ZAR1: variants seen among roughly 807,000 people sequenced by gnomAD.
The protein encoded by ZAR1 is zygote arrest 1.
Under a neutral mutation model 38.3 loss-of-function variants are expected in ZAR1, and 37 were observed. The ratio of observed to expected loss-of-function variants is 0.97; its 90% CI spans 0.74 to 1.27. ZAR1 has a LOEUF of 1.27. Among genes scored for constraint, ZAR1 ranks in the 50% most tolerant of loss-of-function variants. ZAR1 has a pLI of 0.00. For missense variants in ZAR1, 651 were observed against 632.4 expected (o/e 1.03, Z -0.32); for synonymous variants, 336 against 292.0 (o/e 1.15, Z -1.53).
At chr4:48,493,979 A>C in intron 3 of ZAR1, 122 bp from the exon 4 acceptor site, 1 of 1,213,130 alleles carries the variant, frequency 8.2e-7, no homozygotes, top group Non-Finnish European at 1.1e-6. Flanking sequence ...AAACAAGATT[A>C]CTATGGGACC....
At position 48,491,197 on chromosome 4, in the gene ZAR1, G is replaced by A. The variant is rs1398386753; in HGVS notation, c.906G>A (p.Ala302=). 7 of 1,234,962 alleles carry A rather than the reference G, an allele frequency of 5.7e-6. No individual in the cohort carries two copies. In the African/African-American group the frequency reaches 9.3e-5, roughly 16 times the overall value. 76.5% of individuals were successfully genotyped at this position (1,234,962 alleles called of 1,614,324 possible). ...DGGDGREAAV[A]GEGPSPRSPE... ...GCGACGGACGGGAGGCGGCCGTCGC[G>A]GGAGAGGGGCCGTCGCCACGGAGCC... The change falls in exon 1 of 4, where the codon GCG becomes GCA. Residue 302 remains alanine, a synonymous_variant. Coordinates refer to ENST00000327939, the MANE Select transcript of ZAR1 (RefSeq NM_175619.3).
At chr4:48,495,149 T>C (rs1676511459), downstream of ZAR1, among the ~76,000 whole-genome samples, 1 of 152,182 alleles carries the variant, frequency 6.6e-6, no homozygotes, top group Admixed American at 6.5e-5. Flanking sequence ...TAACTGCGTC[T>C]AGTAGCTTCT....
downstream of ZAR1, among the ~76,000 whole-genome samples, chr4:48,496,660 CTA>C (rs1002452427): frequency 2.0e-5 from 3 of 152,148 alleles, no homozygotes; most frequent in East Asian, 3.8e-4. Context: ...CTGCCAAACT[CTA>C]TGTGTACAAT....
chr4:48,497,406 CATATAA>C (rs1718686174), downstream of ZAR1: 1 of 152,410 alleles, frequency 6.6e-6, no homozygotes, highest in Admixed American at 6.6e-5. Context: ...GACTTAGTTA[CATATAA>C]ATAAACACAA....
chr4:48,490,911 G>C lies in ZAR1; in HGVS notation c.620G>C (p.Gly207Ala). The C allele has an allele frequency of 7.3e-7, 1 of 1,365,404 alleles. No individual in the cohort carries two copies. Among genetic ancestry groups the C allele is most frequent in the Non-Finnish European group, 9.4e-7 (1 of 1,063,990 alleles). The allele number at this position is 1,365,404 out of a possible 1,614,324, so 84.6% of individuals were successfully genotyped here. A position where few individuals can be genotyped will look rare whatever the true frequency, so the allele number is the denominator to read the frequency against. ...PGPAAGEQRS[G>A]ASDGERGPPP... ...CCCGCGGCGGGCGAGCAGAGGTCCG[G>C]GGCGTCGGACGGAGAGAGGGGGCCG... Residue 207 changes from glycine (G) to alanine (A), a missense_variant, in exon 1 of 4, where the codon GGG becomes GCG. Around this residue, in one of 2 missense-constraint regions of ZAR1, gnomAD observed 522 missense variants for 459.9 expected, o/e 1.14. Coordinates refer to ENST00000327939, the MANE Select transcript of ZAR1 (RefSeq NM_175619.3).
At chr4:48,497,575 C>G (rs949648861), downstream of ZAR1, 3 of 152,520 alleles carry the variant, frequency 2.0e-5, no homozygotes, top group Non-Finnish European at 4.4e-5. Flanking sequence ...CCAACAGCTA[C>G]AATGCTTTTT....
At chr4:48,496,546 G>A (rs1435153447), downstream of ZAR1, among the ~76,000 whole-genome samples, 1 of 152,088 alleles carries the variant, frequency 6.6e-6, no homozygotes, top group Non-Finnish European at 1.5e-5. Flanking sequence ...GGAAAGTGAG[G>A]ATCAGACTGT....
chr4:48,495,249 G>A (rs1420276995), downstream of ZAR1, among the ~76,000 whole-genome samples: 2 of 151,920 alleles, frequency 1.3e-5, no homozygotes, highest in African/African-American at 4.8e-5. Flanking sequence ...TGAAATTAAA[G>A]TTGTAGTATT....
chr4:48,493,143 T>C, intron 3 of ZAR1, 131 bp downstream of exon 3: 1 of 746,492 alleles, frequency 1.3e-6, no homozygotes. Context: ...TTAGGAGTGG[T>C]AGAAACAATA....
chr4:48,495,133 A>C (rs1311871038), downstream of ZAR1, among the ~76,000 whole-genome samples: 1 of 152,156 alleles, frequency 6.6e-6, no homozygotes, highest in Non-Finnish European at 1.5e-5. Flanking sequence ...TCGGGATGCC[A>C]GACTCTAACT....
intron 3 of ZAR1, 31 bp downstream of exon 3, chr4:48,493,043 C>T (rs773728377): frequency 3.1e-6 from 5 of 1,606,498 alleles, no homozygotes; most frequent in Admixed American, 3.3e-5. Flanking sequence ...TTTGTCTGAC[C>T]TGGGCAGTCG....
intron 3 of ZAR1, 45 bp downstream of exon 3, chr4:48,493,057 A>G: frequency 6.3e-7 from 1 of 1,582,438 alleles, no homozygotes; most frequent in South Asian, 1.1e-5. Context: ...GCAGTCGTCG[A>G]GGGTTTTTAG....
downstream of ZAR1, among the ~76,000 whole-genome samples, chr4:48,496,651 T>C (rs1383973777): frequency 6.6e-6 from 1 of 152,200 alleles, no homozygotes; most frequent in Non-Finnish European, 1.5e-5. Flanking sequence ...GAAAAGGCAC[T>C]GCCAAACTCT....
At chr4:48,495,929 AG>A (rs1718584744), downstream of ZAR1, among the ~76,000 whole-genome samples, 2 of 152,136 alleles carry the variant, frequency 1.3e-5, no homozygotes, top group African/African-American at 2.4e-5. Context: ...CCAGACTGGA[AG>A]GGTGTTTTAG....
Position 48,490,374 on chromosome 4 carries a change from C to CAA in ZAR1, c.83_84insAA (p.Ala29ArgfsTer42). ...TGCTCGTACCGGTACCCATACCCCG[C>CAA]GGCCACCAAGGGCAAGGGCGCGGCG... On this transcript the variant is annotated frameshift_variant, in exon 1 of 4. Transcript: ENST00000327939. LOFTEE classifies it high-confidence loss of function. The CAA allele has an allele frequency of 6.6e-7, 1 of 1,504,486 alleles. No individual in the cohort carries two copies. The highest frequency in any genetic ancestry group is 8.8e-7 in the Non-Finnish European group (1 of 1,133,186). 93.2% of individuals were successfully genotyped at this position (1,504,486 alleles called of 1,614,324 possible).
At chr4:48,495,023 T>C (rs1233499616), downstream of ZAR1, among the ~76,000 whole-genome samples, 1 of 152,184 alleles carries the variant, frequency 6.6e-6, no homozygotes, top group Non-Finnish European at 1.5e-5. Context: ...AAAGCCTTTT[T>C]TTTTTCTTCT....
intron 1 of ZAR1, among the ~76,000 whole-genome samples, chr4:48,491,540 G>T (rs1056912691): frequency 2.7e-5 from 4 of 147,374 alleles, no homozygotes; most frequent in Admixed American, 6.9e-5. Flanking sequence ...TAAACCTCGC[G>T]CAGTGGGCGC....
Position 48,490,869 on chromosome 4 carries a change from T to C in ZAR1, c.578T>C (p.Phe193Ser). The C allele has an allele frequency of 6.9e-7, 1 of 1,450,474 alleles. No individual in the cohort carries two copies. The highest frequency in any genetic ancestry group is 9.0e-7 in the Non-Finnish European group (1 of 1,105,746). 89.9% of individuals were successfully genotyped at this position (1,450,474 alleles called of 1,614,324 possible). ...SPLALRRLTA[F>S]LEGPGPAAGE... ...CTGGCCTTGCGCCGTCTCACCGCCTTCCTGGAGGGGCCCGGGCCCGCGGCG... is the reference window on the plus strand; with the variant it reads ...CTGGCCTTGCGCCGTCTCACCGCCTCCCTGGAGGGGCCCGGGCCCGCGGCG... The change falls in exon 1 of 4, where the codon TTC becomes TCC. Residue 193 changes from phenylalanine (F) to serine (S), a missense_variant. Transcript: ENST00000327939.
chr4:48,490,744 C>G lies in ZAR1; in HGVS notation c.453C>G (p.Phe151Leu). 1.4e-6 allele frequency: 2 copies of G among 1,402,856 alleles called. No homozygotes were observed. The highest frequency in any genetic ancestry group is 1.8e-6 in the Non-Finnish European group (2 of 1,081,824). The allele number at this position is 1,402,856 out of a possible 1,614,324, so 86.9% of individuals were successfully genotyped here. Residue 151 changes from phenylalanine (F) to leucine (L), a missense_variant, in exon 1 of 4, where the codon TTC becomes TTG. By Grantham distance (22) the Phe-to-Leu change is conservative (BLOSUM62 0). Coordinates refer to ENST00000327939, the MANE Select transcript of ZAR1 (RefSeq NM_175619.3). ...GAEGTTGGGSFSQQPSRRGLE... is the reference protein window; with the variant it reads ...GAEGTTGGGSLSQQPSRRGLE... ...AGGGCACCACGGGTGGCGGCTCTTT[C>G]TCCCAGCAGCCATCCCGTCGAGGCC... is the stretch of plus-strand genomic sequence containing the variant.
Sources: allele counts gnomAD v4.1 joint callset (sites outside exome capture counted in the v4.1 genomes callset), GRCh38; gene constraint gnomAD v4.1.1; regional missense constraint gnomAD v4.1.1; transcripts MANE v1.5; gene names NCBI Gene and HGNC (gene_info 2026-07-23, HGNC 2026-07-21).